MED13L: variants seen among roughly 807,000 people sequenced by gnomAD.
The protein encoded by MED13L is mediator complex subunit 13L, also known as mediator of RNA polymerase II transcription subunit 13-like.
A neutral mutation model predicts 220.9 loss-of-function variants in MED13L; 7 were observed. The ratio of observed to expected loss-of-function variants is 0.03; its 90% CI spans 0.02 to 0.06. MED13L has a LOEUF of 0.06. Ranked by LOEUF, MED13L falls within the 10% of genes least tolerant of loss-of-function variation. The probability of loss-of-function intolerance (pLI) is 1.00; values close to 1 mark genes in which losing one functional copy is unlikely to be tolerated. For missense variants in MED13L, 1,965 were observed against 2,760.5 expected (o/e 0.71, Z 6.46); for synonymous variants, 1,011 against 1,015.2 (o/e 1.00, Z 0.08).
chr12:116,104,903 A>G (rs1008713661), intron 3 of MED13L, among the ~76,000 whole-genome samples: 4 of 152,230 alleles, frequency 2.6e-5, no homozygotes, highest in Admixed American at 6.5e-5. Context: ...TAAGTCCCAT[A>G]TGTGGTACAA....
At position 116,255,715 on chromosome 12, in the gene MED13L, A is replaced by G. The variant is rs567090935; in HGVS notation, c.73-18010T>C. Among the ~76,000 whole-genome samples, 9 of 152,336 alleles carry G rather than the reference A, an allele frequency of 5.9e-5. 4 individuals are homozygous for G. The highest frequency in any genetic ancestry group is 2.2e-4 in the African/African-American group (9 of 41,580). On this transcript the variant is annotated intron_variant, in intron 1 of 30. Transcript: ENST00000281928. ...TAAATTGGGCAAAAGATGTGAAGAGATATTTCCCAAAAGATATACGAATGA... is the reference window on the plus strand; with the variant it reads ...TAAATTGGGCAAAAGATGTGAAGAGGTATTTCCCAAAAGATATACGAATGA...
intron 2 of MED13L, among the ~76,000 whole-genome samples, chr12:116,152,018 C>T (rs892087665): frequency 6.6e-6 from 1 of 152,120 alleles, no homozygotes; most frequent in African/African-American, 2.4e-5. Context: ...GAAAAGTGTT[C>T]CCTCTCCCTT....
At chr12:115,979,297 G>A (rs1339541728) in intron 23 of MED13L, among the ~76,000 whole-genome samples, 1 of 152,114 alleles carries the variant, frequency 6.6e-6, no homozygotes, top group Non-Finnish European at 1.5e-5. Flanking sequence ...ATGAGCTCCT[G>A]ATGGTGTTCT....
At chr12:116,216,293 G>T (rs1882990981) in intron 2 of MED13L, among the ~76,000 whole-genome samples, 1 of 152,128 alleles carries the variant, frequency 6.6e-6, no homozygotes, top group African/African-American at 2.4e-5. Flanking sequence ...TTACAGGCAT[G>T]AGCCACCACA....
intron 7 of MED13L, among the ~76,000 whole-genome samples, chr12:116,018,398 C>T (rs866924134): frequency 2.6e-5 from 4 of 152,230 alleles, no homozygotes; most frequent in South Asian, 4.1e-4. Flanking sequence ...ATGAGGATTA[C>T]GTATGTATCA....
chr12:116,194,467 C>T (rs1418843006), intron 2 of MED13L, among the ~76,000 whole-genome samples: 1 of 152,068 alleles, frequency 6.6e-6, no homozygotes, highest in East Asian at 1.9e-4. Flanking sequence ...TCCCAGCCAC[C>T]CCTACTTCTT....
intron 8 of MED13L, among the ~76,000 whole-genome samples, chr12:116,014,841 T>G (rs1041532602): frequency 6.6e-6 from 1 of 152,200 alleles, no homozygotes; most frequent in Non-Finnish European, 1.5e-5. Flanking sequence ...GTGCCAGCTG[T>G]GCTACAAAAT....
intron 23 of MED13L, among the ~76,000 whole-genome samples, chr12:115,978,302 C>T (rs557140974): frequency 1.3e-5 from 2 of 151,488 alleles, no homozygotes; most frequent in Non-Finnish European, 2.9e-5. Context: ...ATACTAAAAA[C>T]CACTGAACTG....
chr12:116,006,038 A>G (rs1879024676), intron 12 of MED13L, 45 bp from the exon 13 acceptor site: 5 of 1,611,140 alleles, frequency 3.1e-6, no homozygotes, highest in Non-Finnish European at 3.4e-6. Context: ...AACTCCACCA[A>G]GCGCAAAGGA....
chr12:115,977,814 T>G (rs937867217), intron 23 of MED13L, among the ~76,000 whole-genome samples: 3 of 152,020 alleles, frequency 2.0e-5, no homozygotes, highest in Non-Finnish European at 4.4e-5. Context: ...CTGGGCAACA[T>G]AGCAAAACCC....
intron 2 of MED13L, among the ~76,000 whole-genome samples, chr12:116,188,722 A>T (rs1881062508): frequency 6.6e-6 from 1 of 152,068 alleles, no homozygotes; most frequent in Admixed American, 6.6e-5. Flanking sequence ...TTATAGTTTC[A>T]CCAACTTTCC....
chr12:116,113,218 A>G (rs1412843998), intron 2 of MED13L, among the ~76,000 whole-genome samples: 2 of 152,170 alleles, frequency 1.3e-5, no homozygotes, highest in African/African-American at 4.8e-5. Flanking sequence ...TCTGTGCCAT[A>G]AAGAGTGCTG....
chr12:116,100,932 A>G (rs938804561), intron 3 of MED13L, among the ~76,000 whole-genome samples: 3 of 152,136 alleles, frequency 2.0e-5, no homozygotes, highest in South Asian at 4.1e-4. Flanking sequence ...AACAACAACA[A>G]CAAAAATTAA....
At chr12:116,262,183 C>T (rs776350463) in intron 1 of MED13L, among the ~76,000 whole-genome samples, 36 of 152,026 alleles carry the variant, frequency 2.4e-4, no homozygotes, top group South Asian at 4.1e-4. Context: ...AATGTATGGT[C>T]TGTTATTGTA....
Position 115,980,869 on chromosome 12 carries a change from A to C in MED13L, c.5245T>G (p.Ser1749Ala). 6.2e-7 allele frequency: 1 copy of C among 1,613,866 alleles called. No homozygotes were observed. Residue 1749 changes from serine to alanine, a missense_variant, in exon 23 of 31, where the codon TCC becomes GCC. Ser to Ala is a moderately conservative substitution (Grantham distance 99). This residue lies in a region of MED13L where 510 missense variants were observed against 620.4 expected (regional missense o/e 0.82). Coordinates refer to ENST00000281928, the MANE Select transcript of MED13L (RefSeq NM_015335.5). ...TGGCAGTACACTGAAAATGCCATGG[A>C]CTTCAAGTATTGAATGTAGAAAACT... ...EQVFYIQYLKSMAFSVYCQCR... is the reference protein window; with the variant it reads ...EQVFYIQYLKAMAFSVYCQCR...
At chr12:116,044,450 G>A (rs1393951979) in intron 4 of MED13L, among the ~76,000 whole-genome samples, 1 of 152,110 alleles carries the variant, frequency 6.6e-6, no homozygotes, top group Non-Finnish European at 1.5e-5. Flanking sequence ...GAAATCAAAT[G>A]GTCAAAGTTT....
At chr12:116,238,830 T>C (rs911312096) in intron 1 of MED13L, among the ~76,000 whole-genome samples, 9 of 152,180 alleles carry the variant, frequency 5.9e-5, no homozygotes, top group Non-Finnish European at 1.3e-4. Context: ...AGCACGGTGG[T>C]TCACGCCTGT....
intron 4 of MED13L, among the ~76,000 whole-genome samples, chr12:116,075,789 T>C (rs1210423082): frequency 1.3e-5 from 2 of 152,192 alleles, no homozygotes; most frequent in African/African-American, 2.4e-5. Context: ...AGAGAAGCTA[T>C]AGTGGCACCA....
intron 2 of MED13L, among the ~76,000 whole-genome samples, chr12:116,176,586 T>C (rs574337126): frequency 1.3e-5 from 2 of 152,042 alleles, no homozygotes; most frequent in Non-Finnish European, 2.9e-5. Context: ...AAAGTGAGAT[T>C]GCCAAGGGTT....
Sources: gnomAD v4.1 joint callset for allele counts (sites outside exome capture counted in the v4.1 genomes callset) on GRCh38, gnomAD v4.1.1 for gene constraint, gnomAD v4.1.1 regional missense constraint, MANE v1.5 for transcripts, NCBI Gene and HGNC (gene_info 2026-07-23, HGNC 2026-07-21) for gene names.